PCDHGA1: variants seen among roughly 807,000 people sequenced by gnomAD.
PCDHGA1 encodes the protein protocadherin gamma subfamily A, 1, also known as protocadherin gamma-A1.
A neutral mutation model predicts 58.0 loss-of-function variants in PCDHGA1; 32 were observed. That is an observed-to-expected ratio of 0.55 (90% CI 0.42 to 0.74). The LOEUF (loss-of-function observed/expected upper bound fraction) is 0.74, where lower values mean the gene tolerates loss of function less well. Among genes scored for constraint, PCDHGA1 ranks in the 30% least tolerant of loss-of-function variants. The pLI is 0.00. For synonymous variants in PCDHGA1, 498 were observed against 501.1 expected (o/e 0.99, Z 0.08); for missense variants, 1,205 against 1,182.3 (o/e 1.02, Z -0.28).
intron 1 of PCDHGA1, chr5:141,414,638 A>G: frequency 6.2e-7 from 1 of 1,613,988 alleles, no homozygotes; most frequent in Non-Finnish European, 8.5e-7. Flanking sequence ...AGCAAAGAGA[A>G]TGCCCAGATT....
chr5:141,409,179 G>A, intron 1 of PCDHGA1: 1 of 1,613,988 alleles, frequency 6.2e-7, no homozygotes. Context: ...GACGGAGGTG[G>A]TCTCTCTACC....
intron 1 of PCDHGA1, chr5:141,365,258 G>A: frequency 6.2e-7 from 1 of 1,613,996 alleles, no homozygotes; most frequent in Non-Finnish European, 8.5e-7. Flanking sequence ...ACTGGACTAT[G>A]AAGAATCCAG....
At chr5:141,357,280 G>A (rs375096659) in intron 1 of PCDHGA1, 7 of 1,613,820 alleles carry the variant, frequency 4.3e-6, no homozygotes, top group African/African-American at 2.7e-5. Flanking sequence ...ACTCTATCTC[G>A]TGGTGGCAGT....
At chr5:141,340,601 A>G in intron 1 of PCDHGA1, 2 of 1,614,220 alleles carry the variant, frequency 1.2e-6, no homozygotes, top group Non-Finnish European at 1.7e-6. Flanking sequence ...TCCACTCAGT[A>G]GCAATGTATC....
At chr5:141,338,575 T>C (rs999815370) in intron 1 of PCDHGA1, among the ~76,000 whole-genome samples, 1 of 152,186 alleles carries the variant, frequency 6.6e-6, no homozygotes, top group Non-Finnish European at 1.5e-5. Context: ...GATAAAAAGA[T>C]TCCTGTTTTG....
chr5:141,361,793 G>A, intron 1 of PCDHGA1: 1 of 1,613,244 alleles, frequency 6.2e-7, no homozygotes, highest in Non-Finnish European at 8.5e-7. Context: ...GTGTTAGTGG[G>A]CGACCTCAAT....
chr5:141,401,830 T>C (rs950842785), intron 1 of PCDHGA1, among the ~76,000 whole-genome samples: 4 of 152,216 alleles, frequency 2.6e-5, no homozygotes, highest in Admixed American at 1.3e-4. Context: ...TGCTGAGATT[T>C]CTTATAATAC....
intron 1 of PCDHGA1, chr5:141,427,894 C>T (rs974220302): frequency 1.3e-6 from 2 of 1,568,222 alleles, no homozygotes; most frequent in East Asian, 2.2e-5. Flanking sequence ...GACCAGGGCT[C>T]GCCCGCGCTC....
At chr5:141,355,508 T>C (rs1759881586) in intron 1 of PCDHGA1, 2 of 1,613,922 alleles carry the variant, frequency 1.2e-6, no homozygotes, top group Non-Finnish European at 1.7e-6. Flanking sequence ...CCAAACTGTG[T>C]GACAAACCTG....
Position 141,431,980 on chromosome 5 carries a change from C to G in PCDHGA1, c.2422-62827C>G. The G allele has an allele frequency of 6.2e-7, 1 of 1,614,214 alleles. No homozygotes were observed. The highest frequency in any genetic ancestry group is 8.5e-7 in the Non-Finnish European group (1 of 1,180,024). ...GAAATTACTATAGTTTAGTCACAGACATAGTCTTGGATAGGGAACAGGTTC... is the reference window on the plus strand; with the variant it reads ...GAAATTACTATAGTTTAGTCACAGAGATAGTCTTGGATAGGGAACAGGTTC... On this transcript the variant is annotated intron_variant, in intron 1 of 3. Transcript: ENST00000517417. The surrounding 1 kb of genome is among the most constrained non-coding windows in gnomAD (Gnocchi z 4.8).
At chr5:141,394,840 G>GCA (rs2093111243) in intron 1 of PCDHGA1, 1 of 1,613,834 alleles carries the variant, frequency 6.2e-7, no homozygotes. Flanking sequence ...ACCGAGTTGG[G>GCA]CAGTCTGAAG....
chr5:141,500,189 TTTATTTATTTATTTATTTA>T (rs2099797567), intron 2 of PCDHGA1, among the ~76,000 whole-genome samples: 1 of 110,894 alleles, frequency 9.0e-6, no homozygotes, highest in Non-Finnish European at 1.8e-5. Flanking sequence ...TTTATTTTTA[TTTATTTATTTATTTATTTA>T]TTTATTTATT....
intron 1 of PCDHGA1, chr5:141,479,198 GA>G (rs1288699377): frequency 6.6e-6 from 1 of 152,304 alleles, no homozygotes; most frequent in African/African-American, 2.4e-5. Context: ...AGAAAATACA[GA>G]AAAGTATTTA....
At position 141,481,719 on chromosome 5, in the gene PCDHGA1, G is replaced by A. The variant is rs1055207250; in HGVS notation, c.2422-13088G>A. On this transcript the variant is annotated intron_variant, in intron 1 of 3. Coordinates refer to ENST00000517417, the MANE Select transcript of PCDHGA1 (RefSeq NM_018912.3). ...CTGTAATCCCAGCACTTTGGGAGGC[G>A]GAGGCGGGCGGATCACGAGGTCAGG... 5.3e-5 allele frequency among the ~76,000 whole-genome samples: 8 copies of A among 151,716 alleles called. No homozygotes were observed. In the East Asian group the frequency reaches 9.7e-4, roughly 18 times the overall value.
intron 1 of PCDHGA1, chr5:141,404,627 G>A: frequency 6.2e-7 from 1 of 1,614,144 alleles, no homozygotes; most frequent in Non-Finnish European, 8.5e-7. Context: ...GAATGACAAT[G>A]CCCCAGAAAT....
At position 141,485,729 on chromosome 5, in the gene PCDHGA1, A is replaced by G. The variant is rs2099618322; in HGVS notation, c.2422-9078A>G. 6.2e-7 allele frequency: 1 copy of G among 1,614,092 alleles called. No individual in the cohort carries two copies. The highest frequency in any genetic ancestry group is 1.1e-5 in the South Asian group (1 of 91,094). ...CTTTGCACTGGATGTGAAGAAGCGCAGCGACGGCAGCCTGGTCCCAGAGCT... is the reference window on the plus strand; with the variant it reads ...CTTTGCACTGGATGTGAAGAAGCGCGGCGACGGCAGCCTGGTCCCAGAGCT... On this transcript the variant is annotated intron_variant, in intron 1 of 3. Coordinates refer to ENST00000517417, the MANE Select transcript of PCDHGA1 (RefSeq NM_018912.3). This position sits in a 1 kb window ranked among gnomAD's most constrained non-coding sequence, Gnocchi z 5.7.
At position 141,331,831 on chromosome 5, in the gene PCDHGA1, A is replaced by G. The variant is rs1756377943; in HGVS notation, c.1147A>G (p.Thr383Ala). ...DQDSGDNGYTTCFIPGNLPFK... is the reference protein window; with the variant it reads ...DQDSGDNGYTACFIPGNLPFK... ...GGACTCAGGAGACAATGGCTACACC[A>G]CATGTTTCATTCCTGGAAATTTACC... The change falls in exon 1 of 4, where the codon ACA (threonine) becomes GCA (alanine). Residue 383 changes from threonine (T) to alanine (A), a missense_variant. Physicochemically the swap from Thr to Ala is moderately conservative, Grantham distance 58 (BLOSUM62 0). Coordinates refer to ENST00000517417, the MANE Select transcript of PCDHGA1 (RefSeq NM_018912.3). The G allele has an allele frequency of 1.9e-6, 3 of 1,614,074 alleles. No individual in the cohort carries two copies. Among genetic ancestry groups the G allele is most frequent in the Non-Finnish European group, 2.5e-6 (3 of 1,180,034 alleles).
At chr5:141,423,022 T>C in intron 1 of PCDHGA1, 1 of 1,614,194 alleles carries the variant, frequency 6.2e-7, no homozygotes, top group Non-Finnish European at 8.5e-7. Flanking sequence ...GGACAAAGAT[T>C]CAGGCCAGAA....
rs1356739313 is a variant in PCDHGA1, at chr5:141,490,444, A to T, written c.2422-4363A>T. The T allele has an allele frequency of 6.2e-7, 1 of 1,614,194 alleles. No individual in the cohort carries two copies. Among genetic ancestry groups the T allele is most frequent in the Non-Finnish European group, 8.5e-7 (1 of 1,180,034 alleles). On this transcript the variant is annotated intron_variant, in intron 1 of 3. Transcript: ENST00000517417. The surrounding 1 kb of genome is among the most constrained non-coding windows in gnomAD (Gnocchi z 5.4). ...GCCATTTCAGATTAAGCCTTCTGAG[A>T]ACCACTACTCGCTGCTAACCAGCCA...
Sources: gnomAD v4.1 joint callset for allele counts (sites outside exome capture counted in the v4.1 genomes callset) on GRCh38, gnomAD v4.1.1 for gene constraint, Gnocchi (gnomAD v3.1) non-coding constraint, MANE v1.5 for transcripts, NCBI Gene and HGNC (gene_info 2026-07-23, HGNC 2026-07-21) for gene names.